The following RAB27B variants were observed in gnomAD, a reference collection of about 807,000 sequenced individuals.
RAB27B encodes RAB27B, member RAS oncogene family.
RAB27B carries 15 observed loss-of-function variants against 24.6 expected under a neutral mutation model. That is an observed-to-expected ratio of 0.61 (90% CI 0.41 to 0.94). RAB27B has a LOEUF of 0.94. Among genes scored for constraint, RAB27B ranks in the 40% least tolerant of loss-of-function variants. The pLI is 0.00. For synonymous variants in RAB27B, 105 were observed against 92.5 expected, an observed-to-expected ratio of 1.14 and a Z score of -0.78; for missense variants, 261 against 266.8, an observed-to-expected ratio of 0.98 and a Z score of 0.15.
chr18:54,868,865 T>A (rs1174997729), intron 1 of RAB27B, among the ~76,000 whole-genome samples: 1 of 152,128 alleles, frequency 6.6e-6, no homozygotes, highest in South Asian at 2.1e-4. Flanking sequence ...CTCTCTGTTT[T>A]TATTAAGAGG....
intron 1 of RAB27B, among the ~76,000 whole-genome samples, chr18:54,842,841 T>C (rs1214553003): frequency 6.6e-6 from 1 of 152,152 alleles, no homozygotes; most frequent in African/African-American, 2.4e-5. Context: ...GTTGGCCAGG[T>C]TGGAGTGCAG....
intron 2 of RAB27B, among the ~76,000 whole-genome samples, chr18:54,783,472 C>T (rs1267921558): frequency 3.8e-5 from 5 of 132,992 alleles, no homozygotes; most frequent in African/African-American, 1.5e-4. Flanking sequence ...AATTATGAAG[C>T]CTATGGCTTT....
chr18:54,801,004 C>CTG (rs1359522945), intron 2 of RAB27B, among the ~76,000 whole-genome samples: 2 of 113,868 alleles, frequency 1.8e-5, no homozygotes, highest in African/African-American at 3.6e-5. Context: ...TGTTTTGTTC[C>CTG]TGTGTTTTTT....
At position 54,739,443 on chromosome 18, in the gene RAB27B, C is replaced by A. The variant is rs140409185; in HGVS notation, c.-20+21302C>A. 2.8e-3 allele frequency among the ~76,000 whole-genome samples: 359 copies of A among 129,246 alleles called. 4 individuals carry two copies. In the South Asian group the frequency reaches 0.032, roughly 12 times the overall value. The allele number at this position is 129,246 out of a possible 152,430, so 84.8% of individuals were successfully genotyped here. ...TGCACTCCAGCCTGGGCAACAAGAGCGAAACTCCATCTCAAAAAAAAAAAA... is the reference window on the plus strand; with the variant it reads ...TGCACTCCAGCCTGGGCAACAAGAGAGAAACTCCATCTCAAAAAAAAAAAA... On this transcript the variant is annotated intron_variant, in intron 2 of 4. Coordinates refer to the RAB27B transcript ENST00000586570.
chr18:54,855,547 C>A (rs1210834443), intron 1 of RAB27B, among the ~76,000 whole-genome samples: 1 of 152,136 alleles, frequency 6.6e-6, no homozygotes, highest in Non-Finnish European at 1.5e-5. Context: ...GTGGAGTTCC[C>A]TCTTCAGTAG....
At chr18:54,723,633 CATAGATAG>C (rs140976362) in intron 2 of RAB27B, among the ~76,000 whole-genome samples, 2 of 151,786 alleles carry the variant, frequency 1.3e-5, no homozygotes, top group African/African-American at 2.4e-5. Flanking sequence ...ATTAGATAGA[CATAGATAG>C]ATAGATAGAT....
chr18:54,888,149 C>A lies in RAB27B; in HGVS notation c.467+31C>A, dbSNP rs368939193. On this transcript the variant is annotated intron_variant, in intron 5 of 5. Transcript: ENST00000262094. ...TCAGTTACACTGAGATGGCATGTGA[C>A]TTGCACACTGCTGTTCAGCAAATGG... The A allele has an allele frequency of 4.5e-5, 73 of 1,609,214 alleles. No homozygotes were observed. In the African/African-American group the frequency reaches 9.1e-4, roughly 20 times the overall value.
chr18:54,741,525 G>A (rs1043026452), intron 2 of RAB27B, among the ~76,000 whole-genome samples: 10 of 151,920 alleles, frequency 6.6e-5, no homozygotes, highest in Admixed American at 1.3e-4. Context: ...ACAGGGCCTC[G>A]CTGTGTTGCA....
chr18:54,875,923 A>G (rs941303274), intron 1 of RAB27B, among the ~76,000 whole-genome samples: 1 of 152,200 alleles, frequency 6.6e-6, no homozygotes, highest in African/African-American at 2.4e-5. Flanking sequence ...TACACATAAA[A>G]AGTTATTAGA....
At chr18:54,731,011 T>G (rs1909713833) in intron 2 of RAB27B, among the ~76,000 whole-genome samples, 1 of 152,206 alleles carries the variant, frequency 6.6e-6, no homozygotes, top group South Asian at 2.1e-4. Flanking sequence ...TATTTTTTCA[T>G]TTGAAATTAT....
intron 2 of RAB27B, among the ~76,000 whole-genome samples, chr18:54,752,851 T>C (rs1048702481): frequency 1.3e-5 from 2 of 152,176 alleles, no homozygotes; most frequent in Non-Finnish European, 2.9e-5. Context: ...TGCCCCTTTT[T>C]CCAAGCTATC....
chr18:54,892,823 C>T lies in RAB27B; in HGVS notation c.*3410C>T, dbSNP rs573048634. On this transcript the variant is annotated 3_prime_UTR_variant, in exon 6 of 6. Transcript: ENST00000262094. The stretch of plus-strand genomic sequence containing the variant: ...CTTTTAACCAGATAGGTGTCTTTGT[C>T]ATCCTTCTACTATAAATTGTTCTTT... 9 of 152,182 alleles carry T rather than the reference C, an allele frequency of 5.9e-5. No homozygotes were observed. In the East Asian group the frequency reaches 1.7e-3, roughly 29 times the overall value. 9.4% of individuals were successfully genotyped at this position (152,182 alleles called of 1,614,324 possible).
intron 2 of RAB27B, among the ~76,000 whole-genome samples, chr18:54,786,725 G>A (rs1027325495): frequency 6.6e-6 from 1 of 152,068 alleles, no homozygotes; most frequent in East Asian, 1.9e-4. Context: ...AAACCTAAAT[G>A]TTCAAGTAAT....
In RAB27B at chr18:54,889,654, C is replaced by T; in HGVS notation, c.*241C>T. On this transcript the variant is annotated 3_prime_UTR_variant, in exon 6 of 6. Transcript: ENST00000262094. ...CAATGTGATCTCATCATCATGGATA[C>T]TCAATTTGTTTTTTCTTATAGAGAA... 1 of 361,214 alleles carries T rather than the reference C, an allele frequency of 2.8e-6. No homozygotes were observed. The highest frequency in any genetic ancestry group is 4.4e-5 in the East Asian group (1 of 22,560). 22.4% of individuals were successfully genotyped at this position (361,214 alleles called of 1,614,324 possible). A position where few individuals can be genotyped will look rare whatever the true frequency, so the allele number is the denominator to read the frequency against.
intron 2 of RAB27B, among the ~76,000 whole-genome samples, chr18:54,719,187 A>T (rs1325989786): frequency 6.6e-6 from 1 of 152,176 alleles, no homozygotes; most frequent in Non-Finnish European, 1.5e-5. Context: ...AATAATTTTT[A>T]AAATACTTCT....
intron 2 of RAB27B, among the ~76,000 whole-genome samples, chr18:54,725,206 C>T (rs1180558396): frequency 6.6e-6 from 1 of 151,050 alleles, no homozygotes; most frequent in East Asian, 1.9e-4. Flanking sequence ...GGAAAGAGTG[C>T]CTTTCAAGGT....
At chr18:54,863,004 T>G (rs781054626) in intron 1 of RAB27B, among the ~76,000 whole-genome samples, 2 of 152,226 alleles carry the variant, frequency 1.3e-5, no homozygotes, top group Non-Finnish European at 2.9e-5. Context: ...TAAGATCAGC[T>G]AGTGATTTTT....
At chr18:54,735,974 C>T (rs538952607) in intron 2 of RAB27B, among the ~76,000 whole-genome samples, 25 of 152,220 alleles carry the variant, frequency 1.6e-4, no homozygotes, top group Admixed American at 1.6e-3. Flanking sequence ...GGTAGTGTCA[C>T]ATTTTAAAGA....
At chr18:54,766,085 G>A (rs931266136) in intron 2 of RAB27B, among the ~76,000 whole-genome samples, 3 of 152,106 alleles carry the variant, frequency 2.0e-5, no homozygotes, top group Admixed American at 6.6e-5. Context: ...ACAATCACAC[G>A]TCCAGAATTG....
Sources: allele counts gnomAD v4.1 joint callset (sites outside exome capture counted in the v4.1 genomes callset), GRCh38; gene constraint gnomAD v4.1.1; transcripts MANE v1.5; gene names NCBI Gene and HGNC (gene_info 2026-07-23, HGNC 2026-07-21).